The following BRWD1 variants were observed in gnomAD, a reference collection of about 807,000 sequenced individuals.
BRWD1 encodes the protein bromodomain and WD repeat domain containing 1.
A neutral mutation model predicts 251.2 loss-of-function variants in BRWD1; 82 were observed. The observed-to-expected ratio is 0.33, with a 90% CI of 0.27 to 0.39. BRWD1 has a LOEUF of 0.39. Ranked by LOEUF, BRWD1 falls within the 10% of genes least tolerant of loss-of-function variation. BRWD1 has a pLI of 1.00. For synonymous variants in BRWD1, 918 were observed against 902.8 expected, an observed-to-expected ratio of 1.02 and a Z score of -0.30; for missense variants, 2,233 against 2,711.6, an observed-to-expected ratio of 0.82 and a Z score of 3.92.
chr21:39,292,090 T>A (rs976305999), intron 8 of BRWD1, among the ~76,000 whole-genome samples: 6 of 118,744 alleles, frequency 5.1e-5, no homozygotes, highest in African/African-American at 1.9e-4. Context: ...TACAGGCGTG[T>A]GCTACCTTGC....
At chr21:39,241,614 A>C (rs1438782305) in intron 21 of BRWD1, among the ~76,000 whole-genome samples, 1 of 152,060 alleles carries the variant, frequency 6.6e-6, no homozygotes, top group Admixed American at 6.6e-5. Flanking sequence ...GAAGTCGTGC[A>C]TAACAATGAC....
At chr21:39,306,641 T>C (rs1222483314) in intron 4 of BRWD1, among the ~76,000 whole-genome samples, 2 of 152,208 alleles carry the variant, frequency 1.3e-5, no homozygotes, top group Non-Finnish European at 2.9e-5. Context: ...TAGTGTATCA[T>C]TAGAAAACTC....
intron 4 of BRWD1, among the ~76,000 whole-genome samples, chr21:39,299,825 A>C (rs1429217817): frequency 2.8e-5 from 4 of 142,240 alleles, no homozygotes; most frequent in Non-Finnish European, 4.6e-5. Context: ...AAAAAAAAAA[A>C]CACAAAAATT....
At chr21:39,232,904 G>A (rs2033672579) in intron 23 of BRWD1, among the ~76,000 whole-genome samples, 1 of 152,096 alleles carries the variant, frequency 6.6e-6, no homozygotes, top group South Asian at 2.1e-4. Context: ...TTCAAAATAT[G>A]CCTACAAATT....
chr21:39,293,232 C>T (rs1003345713), intron 8 of BRWD1, among the ~76,000 whole-genome samples: 9 of 152,280 alleles, frequency 5.9e-5, no homozygotes, highest in Middle Eastern at 3.4e-3. Context: ...CGGTGGCTCA[C>T]GCCTGTAATC....
chr21:39,281,908 A>ATG (rs1433519417), intron 8 of BRWD1, among the ~76,000 whole-genome samples: 8 of 130,986 alleles, frequency 6.1e-5, no homozygotes, highest in Admixed American at 1.5e-4. Context: ...GTATGTATAC[A>ATG]TGTATATATA....
chr21:39,225,536 A>G (rs2033347645), intron 27 of BRWD1, among the ~76,000 whole-genome samples: 1 of 152,142 alleles, frequency 6.6e-6, no homozygotes. Flanking sequence ...AACAAAACCA[A>G]TGAAACAATA....
intron 4 of BRWD1, among the ~76,000 whole-genome samples, chr21:39,304,961 T>A (rs2036239864): frequency 6.8e-6 from 1 of 147,454 alleles, no homozygotes; most frequent in African/African-American, 2.5e-5. Flanking sequence ...TTGGAGATTT[T>A]TTTTTTTTTT....
rs759335025 is a variant in BRWD1, at chr21:39,218,594, T to C, written c.3449A>G (p.Tyr1150Cys). Residue 1150 changes from tyrosine to cysteine, a missense_variant, in exon 30 of 41, where the codon TAT (tyrosine) becomes TGT (cysteine). Physicochemically the swap from Tyr to Cys is radical, Grantham distance 194 (BLOSUM62 -2). This residue lies in a region of BRWD1 where 139 missense variants were observed against 272.8 expected (regional missense o/e 0.51). Transcript: ENST00000342449. ...VTTDELEKLL[Y>C]KPQAGEWGQK... ...ACCCCATTCACCAGCTTGTGGTTTATAGAGCAATTTCTCTAGCTCATCTGT... is the reference window on the plus strand; with the variant it reads ...ACCCCATTCACCAGCTTGTGGTTTACAGAGCAATTTCTCTAGCTCATCTGT... The C allele has an allele frequency of 5.6e-6, 9 of 1,612,432 alleles. No individual in the cohort carries two copies. The highest frequency in any genetic ancestry group is 3.3e-5 in the Admixed American group (2 of 59,900).
chr21:39,255,179 G>C (rs1483832649), intron 19 of BRWD1, among the ~76,000 whole-genome samples: 1 of 152,184 alleles, frequency 6.6e-6, no homozygotes, highest in African/African-American at 2.4e-5. Context: ...GGGAGGCTGA[G>C]GCAGGTGGAG....
chr21:39,237,258 T>G (rs1426714699), intron 22 of BRWD1, among the ~76,000 whole-genome samples: 1 of 152,110 alleles, frequency 6.6e-6, no homozygotes, highest in Non-Finnish European at 1.5e-5. Context: ...GAAGCATAGC[T>G]ACACCAAACT....
rs2031760704 is a variant in BRWD1, at chr21:39,195,414, G to A, written c.*845C>T. The A allele has an allele frequency of 3.0e-6, 3 of 985,430 alleles. No individual in the cohort carries two copies. The highest frequency in any genetic ancestry group is 6.2e-5 in the Admixed American group (1 of 16,234). 61.0% of individuals were successfully genotyped at this position (985,430 alleles called of 1,614,324 possible). A position where few individuals can be genotyped will look rare whatever the true frequency, so the allele number is the denominator to read the frequency against. ...CGAATTCCTCTATTTCACAGAGTAA[G>A]ATTATGGAAGAGCAAGATTTTGGTT... On this transcript the variant is annotated 3_prime_UTR_variant, in exon 41 of 41. Coordinates refer to ENST00000342449, the MANE Select transcript of BRWD1 (RefSeq NM_033656.4).
upstream of BRWD1, chr21:39,313,947 G>C (rs1447680076): frequency 1.5e-5 from 5 of 340,654 alleles, no homozygotes; most frequent in Non-Finnish European, 2.8e-5. Flanking sequence ...GGCGGGTGCC[G>C]GGGGCGGAAG....
chr21:39,279,638 CA>C (rs77282416), intron 9 of BRWD1, among the ~76,000 whole-genome samples: 29,161 of 66,308 alleles, frequency 0.44, 4,105 homozygotes, highest in Non-Finnish European at 0.5. Context: ...GACTCCATCT[CA>C]AAAAAAAAAA....
chr21:39,230,361 T>C lies in BRWD1; in HGVS notation c.3001-925A>G, dbSNP rs1251233875. ...CTTATTCACTGAACAAATGTTATTATTATAATGTACCAAACAAAGTGCTAA... is the reference window on the plus strand; with the variant it reads ...CTTATTCACTGAACAAATGTTATTACTATAATGTACCAAACAAAGTGCTAA... On this transcript the variant is annotated intron_variant, in intron 25 of 40. Transcript: ENST00000342449. Among the ~76,000 whole-genome samples the C allele has an allele frequency of 2.6e-5, 4 of 152,224 alleles. No individual in the cohort carries two copies. The East Asian group carries it at 5.8e-4, about 22-fold the overall frequency.
chr21:39,314,277 C>A, upstream of BRWD1: 1 of 455,976 alleles, frequency 2.2e-6, no homozygotes, highest in Non-Finnish European at 4.4e-6. Context: ...GCGCTGAAGG[C>A]TGCCGAGACC....
chr21:39,292,087 G>A (rs540287717), intron 8 of BRWD1, among the ~76,000 whole-genome samples: 15 of 126,870 alleles, frequency 1.2e-4, no homozygotes, highest in African/African-American at 3.5e-4. Flanking sequence ...GACTACAGGC[G>A]TGTGCTACCT....
chr21:39,308,607 TC>T (rs2036365441), intron 4 of BRWD1, among the ~76,000 whole-genome samples: 1 of 151,784 alleles, frequency 6.6e-6, no homozygotes, highest in Admixed American at 6.6e-5. Context: ...ACTAGAATCA[TC>T]TAAAAAGCTT....
At chr21:39,242,088 C>G (rs2034024192) in intron 21 of BRWD1, among the ~76,000 whole-genome samples, 2 of 152,186 alleles carry the variant, frequency 1.3e-5, no homozygotes, top group Admixed American at 1.3e-4. Flanking sequence ...CTTACTTTAA[C>G]TCGCAATGTA....
Sources: gnomAD v4.1 joint callset for allele counts (sites outside exome capture counted in the v4.1 genomes callset) on GRCh38, gnomAD v4.1.1 for gene constraint, gnomAD v4.1.1 regional missense constraint, MANE v1.5 for transcripts, NCBI Gene and HGNC (gene_info 2026-07-23, HGNC 2026-07-21) for gene names.